Variants in NUP188 observed in about 807,000 individuals in gnomAD.
NUP188 encodes nucleoporin 188, also known as nucleoporin NUP188.
Under a neutral mutation model 223.0 loss-of-function variants are expected in NUP188, and 97 were observed. That is an observed-to-expected ratio of 0.43 (90% CI 0.37 to 0.51). NUP188 has a LOEUF of 0.51. Among genes scored for constraint, NUP188 ranks in the 20% least tolerant of loss-of-function variants. The pLI, the probability that NUP188 is intolerant of heterozygous loss-of-function variation, is 0.00. For missense variants in NUP188, 1,947 were observed against 2,175.6 expected, an observed-to-expected ratio of 0.89 and a Z score of 2.09; for synonymous variants, 869 against 828.0, an observed-to-expected ratio of 1.05 and a Z score of -0.85.
At chr9:128,963,193 A>G (rs1413805046) in intron 8 of NUP188, among the ~76,000 whole-genome samples, 1 of 152,194 alleles carries the variant, frequency 6.6e-6, no homozygotes, top group Non-Finnish European at 1.5e-5. Context: ...TGTGCTATGA[A>G]CATTAGCATA....
At chr9:128,952,474 G>A (rs1225911065) in intron 2 of NUP188, among the ~76,000 whole-genome samples, 1 of 151,620 alleles carries the variant, frequency 6.6e-6, no homozygotes, top group Admixed American at 6.6e-5. Flanking sequence ...TGTAATCCCA[G>A]CACTTTGGGA....
intron 8 of NUP188, among the ~76,000 whole-genome samples, chr9:128,961,085 C>CA (rs561298362): frequency 0.022 from 883 of 40,402 alleles, 9 homozygotes; most frequent in East Asian, 0.055. Flanking sequence ...GACTCCGTCT[C>CA]AAAAAAAAAA....
intron 8 of NUP188, among the ~76,000 whole-genome samples, chr9:128,960,040 C>T (rs1411631129): frequency 6.8e-6 from 1 of 146,294 alleles, no homozygotes; most frequent in Admixed American, 6.8e-5. Context: ...ATGTGTAACA[C>T]TAGTCTGATT....
intron 22 of NUP188, among the ~76,000 whole-genome samples, 188 bp downstream of exon 22, chr9:128,987,063 A>ACG (rs1842343206): frequency 1.2e-5 from 1 of 84,482 alleles, no homozygotes; most frequent in African/African-American, 4.2e-5. Flanking sequence ...AGAAGTAGGA[A>ACG]TGAGAGAGAG....
intron 20 of NUP188, among the ~76,000 whole-genome samples, chr9:128,986,015 GGT>G (rs1428842590): frequency 2.6e-5 from 4 of 152,096 alleles, no homozygotes; most frequent in African/African-American, 7.2e-5. Context: ...CTCCAGCCTA[GGT>G]GCCAAGAGTG....
chr9:128,949,985 C>G (rs1234035074), intron 2 of NUP188, among the ~76,000 whole-genome samples: 2 of 139,576 alleles, frequency 1.4e-5, no homozygotes, highest in Non-Finnish European at 3.0e-5. Flanking sequence ...GTAAGTAGCT[C>G]GATCTTGGCT....
chr9:128,980,393 T>G (rs1264982044), intron 13 of NUP188, among the ~76,000 whole-genome samples: 1 of 152,214 alleles, frequency 6.6e-6, no homozygotes, highest in Non-Finnish European at 1.5e-5. Context: ...GGTCACTGGA[T>G]AGAATAGTAA....
intron 12 of NUP188, among the ~76,000 whole-genome samples, chr9:128,975,349 G>A (rs1340445176): frequency 2.7e-5 from 4 of 146,436 alleles, no homozygotes; most frequent in East Asian, 2.1e-4. Context: ...TCAGCCTCCC[G>A]AGTAGCTGGG....
intron 25 of NUP188, among the ~76,000 whole-genome samples, chr9:128,991,930 C>T (rs1415052361): frequency 1.6e-5 from 2 of 123,200 alleles, no homozygotes; most frequent in Non-Finnish European, 1.7e-5. Context: ...TTTTTTGAGA[C>T]GGAGTCTCGC....
chr9:128,958,062 G>C lies in NUP188; in HGVS notation c.372+8G>C. 1 of 1,607,850 alleles carries C rather than the reference G, an allele frequency of 6.2e-7. No homozygotes were observed. Among genetic ancestry groups the C allele is most frequent in the Non-Finnish European group, 8.5e-7 (1 of 1,174,828 alleles). On this transcript the variant is annotated splice_region_variant and intron_variant, in intron 6 of 43. Coordinates refer to ENST00000372577, the MANE Select transcript of NUP188 (RefSeq NM_015354.3). ...CAGGCCTTAATCCTGAAGGTCAGTA[G>C]TAGTCACCATTTCTATTCTTTGATG...
chr9:128,953,408 G>C (rs1423953017), intron 3 of NUP188, among the ~76,000 whole-genome samples: 1 of 152,152 alleles, frequency 6.6e-6, no homozygotes, highest in African/African-American at 2.4e-5. Context: ...GGGCTTATTT[G>C]ATCTTGATTC....
At position 128,962,210 on chromosome 9, in the gene NUP188, C is replaced by A. The variant is rs148219455; in HGVS notation, c.585+3076C>A. 9.3e-5 allele frequency among the ~76,000 whole-genome samples: 14 copies of A among 150,780 alleles called. No homozygotes were observed. The East Asian group carries it at 2.8e-3, about 30-fold the overall frequency. On this transcript the variant is annotated intron_variant, in intron 8 of 43. Transcript: ENST00000372577. ...TCAACCCATCAAAGTGCTGGGATTACGGTGGTGAGCCATTGCACCTGACCA... is the reference window on the plus strand; with the variant it reads ...TCAACCCATCAAAGTGCTGGGATTAAGGTGGTGAGCCATTGCACCTGACCA...
In NUP188 at chr9:129,002,981, G is replaced by A; in HGVS notation, c.4296+6G>A. 1 of 1,613,672 alleles carries A rather than the reference G, an allele frequency of 6.2e-7. No individual in the cohort carries two copies. The highest frequency in any genetic ancestry group is 8.5e-7 in the Non-Finnish European group (1 of 1,179,836). On this transcript the variant is annotated splice_donor_region_variant and intron_variant, in intron 37 of 43. Transcript: ENST00000372577. ...ACCAGGAGCGGACCTTACAGGTGAG[G>A]GGCTGCCTGCATTGCAGGGGTGGGA...
rs543141191 is a variant in NUP188 at position 128,956,449 on chromosome 9, G to A, written c.246+15G>A. On this transcript the variant is annotated intron_variant, in intron 4 of 43. Coordinates refer to ENST00000372577, the MANE Select transcript of NUP188 (RefSeq NM_015354.3). ...GCAAGTTTTTGGTGAGTAAAAATTAGCACTCGCTCAATTTATTACTTGCAG... is the reference window on the plus strand; with the variant it reads ...GCAAGTTTTTGGTGAGTAAAAATTAACACTCGCTCAATTTATTACTTGCAG... 779 of 1,426,358 alleles carry A rather than the reference G, an allele frequency of 5.5e-4. 11 individuals carry two copies. The South Asian group carries it at 9.3e-3, about 17-fold the overall frequency. The allele number at this position is 1,426,358 out of a possible 1,614,324, so 88.4% of individuals were successfully genotyped here. A position where few individuals can be genotyped will look rare whatever the true frequency, so the allele number is the denominator to read the frequency against.
At chr9:128,950,071 C>T (rs549170571) in intron 2 of NUP188, among the ~76,000 whole-genome samples, 2 of 150,396 alleles carry the variant, frequency 1.3e-5, no homozygotes, top group African/African-American at 4.9e-5. Context: ...TAGAGGTGCC[C>T]ACCACCACGC....
chr9:128,960,662 A>G (rs1841935381), intron 8 of NUP188, among the ~76,000 whole-genome samples: 1 of 152,216 alleles, frequency 6.6e-6, no homozygotes, highest in African/African-American at 2.4e-5. Flanking sequence ...AAGAAGACAT[A>G]ACTGAGGCTG....
chr9:128,997,432 G>C (rs978682462), intron 30 of NUP188, among the ~76,000 whole-genome samples: 1 of 152,170 alleles, frequency 6.6e-6, no homozygotes, highest in African/African-American at 2.4e-5. Context: ...GTGAACCTGG[G>C]CTTGATTCTG....
chr9:128,955,701 G>A (rs567943362), intron 3 of NUP188, among the ~76,000 whole-genome samples: 4 of 150,714 alleles, frequency 2.7e-5, no homozygotes, highest in Admixed American at 6.6e-5. Context: ...AAGCCCTTTT[G>A]TACTTCTTTT....
intron 8 of NUP188, chr9:128,964,208 T>A: frequency 5.9e-6 from 2 of 336,292 alleles, no homozygotes; most frequent in South Asian, 4.9e-5. Context: ...GTCAAGTGTC[T>A]GTTCACATTT....
Sources: allele counts gnomAD v4.1 joint callset (sites outside exome capture counted in the v4.1 genomes callset), GRCh38; gene constraint gnomAD v4.1.1; transcripts MANE v1.5; gene names NCBI Gene and HGNC (gene_info 2026-07-23, HGNC 2026-07-21).